The following CFAP47 variants were observed in gnomAD, a reference collection of about 807,000 sequenced individuals.
The protein encoded by CFAP47 is cilia and flagella associated protein 47, also known as cilia- and flagella-associated protein 47.
A neutral mutation model predicts 148.1 loss-of-function variants in CFAP47; 29 were observed. The ratio of observed to expected loss-of-function variants is 0.20; its 90% CI spans 0.15 to 0.27. The LOEUF (loss-of-function observed/expected upper bound fraction) is 0.27, where lower values mean the gene tolerates loss of function less well. Among genes scored for constraint, CFAP47 ranks in the 10% least tolerant of loss-of-function variants. CFAP47 has a pLI of 1.00. For synonymous variants in CFAP47, 664 were observed against 577.3 expected (o/e 1.15, Z -2.15); for missense variants, 1,872 against 1,697.5 (o/e 1.10, Z -1.81).
At chrX:36,114,701 C>G (rs750332035) in intron 33 of CFAP47, among the ~76,000 whole-genome samples, 41 of 110,587 alleles carry the variant, frequency 3.7e-4, no homozygotes, top group African/African-American at 1.3e-3. Context: ...TCTGGCTCCT[C>G]GAGTTTAGGA....
intron 2 of CFAP47, among the ~76,000 whole-genome samples, chrX:35,931,302 G>T (rs1027914574): frequency 1.1e-4 from 12 of 110,647 alleles, no homozygotes; most frequent in African/African-American, 3.6e-4. Context: ...TGATTTTCTT[G>T]CACTGAAGCC....
chrX:36,336,924 A>G (rs16987467), intron 57 of CFAP47, among the ~76,000 whole-genome samples: 11,082 of 111,952 alleles, frequency 0.099, 683 homozygotes, highest in African/African-American at 0.22. Flanking sequence ...GATAATTGTC[A>G]TGGAAGTTTA....
At chrX:36,014,509 A>C (rs1348491126) in intron 21 of CFAP47, among the ~76,000 whole-genome samples, 2 of 110,892 alleles carry the variant, frequency 1.8e-5, no homozygotes, top group Non-Finnish European at 3.8e-5. Flanking sequence ...TTCTTCCTAA[A>C]TATTTACCAC....
chrX:36,064,832 C>T (rs1484269024), intron 26 of CFAP47, among the ~76,000 whole-genome samples: 1 of 111,383 alleles, frequency 9.0e-6, no homozygotes, highest in African/African-American at 3.3e-5. Flanking sequence ...GATAGACAGC[C>T]CAAATATAGT....
intron 1 of CFAP47, 129 bp downstream of exon 1, chrX:35,920,177 A>G: frequency 1.4e-6 from 1 of 720,865 alleles, no homozygotes; most frequent in East Asian, 3.5e-5. Context: ...TTCCCGGGAA[A>G]CAGTGACAGG....
rs1313103244 is a variant in CFAP47 at position 36,270,455 on chromosome X, G to A, written c.7445-10032G>A. On this transcript the variant is annotated intron_variant, in intron 49 of 63. Coordinates refer to ENST00000378653, the MANE Select transcript of CFAP47 (RefSeq NM_001304548.2). Reference sequence around the variant, plus strand: ...TTACATGTCTTTATTTGTCATCTATGTATCTTGTTTACTAAAATGCCTTTT... The same window carrying A: ...TTACATGTCTTTATTTGTCATCTATATATCTTGTTTACTAAAATGCCTTTT... Among the ~76,000 whole-genome samples the A allele has an allele frequency of 3.7e-5, 4 of 108,273 alleles. No homozygotes were observed. In the East Asian group the frequency reaches 8.6e-4, roughly 23 times the overall value. The allele number at this position is 108,273 out of a possible 115,157, so 94.0% of individuals were successfully genotyped here. A position where few individuals can be genotyped will look rare whatever the true frequency, so the allele number is the denominator to read the frequency against.
At chrX:36,097,954 C>T (rs1439409998) in intron 30 of CFAP47, among the ~76,000 whole-genome samples, 1 of 111,516 alleles carries the variant, frequency 9.0e-6, no homozygotes, top group Non-Finnish European at 1.9e-5. Context: ...TTAGGTTTGC[C>T]CTTTTGGGGC....
At chrX:36,332,924 G>A (rs1941576205) in intron 57 of CFAP47, among the ~76,000 whole-genome samples, 1 of 112,015 alleles carries the variant, frequency 8.9e-6, no homozygotes, top group African/African-American at 3.2e-5. Context: ...TATATACATA[G>A]GTTTAGGTAA....
intron 52 of CFAP47, 22 bp downstream of exon 52, chrX:36,299,174 A>C: frequency 2.1e-6 from 2 of 932,873 alleles, no homozygotes; most frequent in Non-Finnish European, 2.8e-6. Flanking sequence ...GTGTGGCATT[A>C]TATTTCATTG....
intron 60 of CFAP47, 54 bp from the exon 61 acceptor site, chrX:36,361,276 A>T: frequency 1.4e-6 from 1 of 691,072 alleles, no homozygotes; most frequent in Non-Finnish European, 2.2e-6. Context: ...AATTGATATT[A>T]AATCTATGCA....
chrX:36,060,527 G>T (rs1184756526), intron 26 of CFAP47, among the ~76,000 whole-genome samples: 1 of 111,645 alleles, frequency 9.0e-6, no homozygotes, highest in Non-Finnish European at 1.9e-5. Flanking sequence ...CATGTGAAAA[G>T]AATTAATATA....
chrX:35,924,426 T>C (rs764365024), intron 1 of CFAP47, among the ~76,000 whole-genome samples: 7 of 106,009 alleles, frequency 6.6e-5, no homozygotes, highest in African/African-American at 1.1e-4. Flanking sequence ...TATGCACACA[T>C]ATGTGTATAT....
chrX:35,924,051 A>G (rs1310452978), intron 1 of CFAP47, among the ~76,000 whole-genome samples: 1 of 96,002 alleles, frequency 1.0e-5, no homozygotes, highest in Non-Finnish European at 2.0e-5. Context: ...GTGTATATGT[A>G]CATGTATGCG....
intron 57 of CFAP47, among the ~76,000 whole-genome samples, chrX:36,345,727 G>C (rs1489878957): frequency 8.9e-6 from 1 of 111,926 alleles, no homozygotes; most frequent in Non-Finnish European, 1.9e-5. Context: ...CTGGTTTTCT[G>C]AGAATTAAAT....
At chrX:36,106,619 A>G (rs769049511) in intron 33 of CFAP47, among the ~76,000 whole-genome samples, 3 of 111,925 alleles carry the variant, frequency 2.7e-5, no homozygotes, top group East Asian at 5.6e-4. Flanking sequence ...TCCCTCCATC[A>G]AAGAACAATG....
chrX:35,980,772 G>GA (rs1936632074), intron 15 of CFAP47, among the ~76,000 whole-genome samples: 1 of 110,311 alleles, frequency 9.1e-6, no homozygotes, highest in South Asian at 3.8e-4. Flanking sequence ...GTTCTCATCT[G>GA]AAAAAACTCT....
At chrX:35,923,237 C>T (rs1417032067) in intron 1 of CFAP47, among the ~76,000 whole-genome samples, 1 of 111,253 alleles carries the variant, frequency 9.0e-6, no homozygotes, top group Non-Finnish European at 1.9e-5. Context: ...TGACTTCAGA[C>T]GTTAATTATA....
chrX:36,121,963 G>A (rs1166116429), intron 33 of CFAP47, among the ~76,000 whole-genome samples: 1 of 111,637 alleles, frequency 9.0e-6, no homozygotes, highest in Non-Finnish European at 1.9e-5. Context: ...TGTAGAACAT[G>A]TATGGTGTTA....
chrX:36,366,117 G>A (rs1556020222), intron 61 of CFAP47, among the ~76,000 whole-genome samples: 1 of 111,774 alleles, frequency 8.9e-6, no homozygotes, highest in African/African-American at 3.2e-5. Context: ...CAAAATGGTT[G>A]AGTAATTTTA....
Sources: allele counts gnomAD v4.1 joint callset (sites outside exome capture counted in the v4.1 genomes callset), GRCh38; gene constraint gnomAD v4.1.1; transcripts MANE v1.5; gene names NCBI Gene and HGNC (gene_info 2026-07-23, HGNC 2026-07-21).